Variants in SEMA5B observed in about 807,000 individuals in gnomAD.
SEMA5B encodes semaphorin 5B.
A neutral mutation model predicts 135.0 loss-of-function variants in SEMA5B; 66 were observed. The ratio of observed to expected loss-of-function variants is 0.49; its 90% confidence interval spans 0.40 to 0.60. The LOEUF is 0.60. Among genes scored for constraint, SEMA5B ranks in the 20% least tolerant of loss-of-function variants. The pLI is 0.00. For missense variants in SEMA5B, 1,501 were observed against 1,566.3 expected, an observed-to-expected ratio of 0.96 and a Z score of 0.70; for synonymous variants, 690 against 639.5, an observed-to-expected ratio of 1.08 and a Z score of -1.19.
At chr3:122,950,996 C>T (rs570707052) in intron 2 of SEMA5B, among the ~76,000 whole-genome samples, 9 of 152,246 alleles carry the variant, frequency 5.9e-5, no homozygotes, top group East Asian at 3.9e-4. Flanking sequence ...TGCAGTGGCA[C>T]GATCATGGCT....
chr3:122,921,778 C>T, intron 12 of SEMA5B, 137 bp downstream of exon 12: 1 of 618,592 alleles, frequency 1.6e-6, no homozygotes. Flanking sequence ...CAAGGTTCAG[C>T]GAGGTGGAGT....
chr3:122,915,524 C>A lies in SEMA5B; in HGVS notation c.1904G>T (p.Arg635Leu). 6.2e-7 allele frequency: 1 copy of A among 1,614,020 alleles called. No homozygotes were observed. The highest frequency in any genetic ancestry group is 8.5e-7 in the Non-Finnish European group (1 of 1,179,998). The change falls in exon 14 of 23, where the codon CGA (arginine) becomes CTA (leucine). Residue 635 changes from arginine (R) to leucine (L), a missense_variant. Physicochemically the swap from Arg to Leu is moderately radical, Grantham distance 102 (BLOSUM62 -2). Transcript: ENST00000357599. ...DGDNSGSCLCRARSCDSPRPR... is the reference protein window; with the variant it reads ...DGDNSGSCLCLARSCDSPRPR... ...TCGAGGGGAATCACAGGATCGAGCT[C>A]GACACAGGCAAGAGCCTGAGTTGTC... is the stretch of plus-strand genomic sequence containing the variant.
In SEMA5B at chr3:122,913,035, C is replaced by G. The variant is rs760735580; in HGVS notation, c.2533G>C (p.Gly845Arg). The G allele has an allele frequency of 3.2e-6, 5 of 1,569,340 alleles. No individual in the cohort carries two copies. The South Asian group carries it at 4.7e-5, about 15-fold the overall frequency. The change falls in exon 18 of 23, where the codon GGG becomes CGG. Residue 845 changes from glycine (G) to arginine (R), a missense_variant. Coordinates refer to ENST00000357599, the MANE Select transcript of SEMA5B (RefSeq NM_001031702.4). ...CTCACCGTGTGCGGGGAGGTGCTCC[C>G]GCTGCGCAGGAGGACCTCCACCAGG... is the stretch of plus-strand genomic sequence containing the variant. Reference protein sequence around the residue: ...DALVEVLLRSGSTSPHTVSGG... With the variant: ...DALVEVLLRSRSTSPHTVSGG...
At chr3:122,943,410 AC>A (rs1939650287) in intron 4 of SEMA5B, 25 bp downstream of exon 4, 1 of 1,521,266 alleles carries the variant, frequency 6.6e-7, no homozygotes, top group East Asian at 2.3e-5. Flanking sequence ...TGCACTTCCC[AC>A]CCCGACCCTT....
chr3:122,924,653 C>T (rs188062660), intron 9 of SEMA5B, among the ~76,000 whole-genome samples: 1 of 152,310 alleles, frequency 6.6e-6, no homozygotes, highest in African/African-American at 2.4e-5. Context: ...ACCCTCCTTC[C>T]TGTCTTTCTT....
chr3:122,966,702 C>T (rs1435505880), intron 1 of SEMA5B, among the ~76,000 whole-genome samples: 1 of 150,366 alleles, frequency 6.7e-6, no homozygotes, highest in Non-Finnish European at 1.5e-5. Flanking sequence ...CTACAGGCCC[C>T]CGCCACCGCG....
intron 1 of SEMA5B, among the ~76,000 whole-genome samples, chr3:123,025,306 T>C (rs1346709463): frequency 1.3e-5 from 2 of 152,066 alleles, no homozygotes; most frequent in African/African-American, 2.4e-5. Context: ...TCCTAAACCC[T>C]TGGGTCATCA....
At chr3:122,923,195 C>T (rs1938459289) in intron 10 of SEMA5B, among the ~76,000 whole-genome samples, 1 of 152,180 alleles carries the variant, frequency 6.6e-6, no homozygotes, top group African/African-American at 2.4e-5. Flanking sequence ...CGGCTGGGCC[C>T]TGACCACACC....
At chr3:122,915,014 A>C (rs1172563438) in intron 14 of SEMA5B, among the ~76,000 whole-genome samples, 5 of 152,214 alleles carry the variant, frequency 3.3e-5, no homozygotes, top group African/African-American at 1.2e-4. Flanking sequence ...TTGGGTGGGT[A>C]CTATAACCCT....
In SEMA5B at chr3:122,910,139, G is replaced by T. The variant is rs367603652; in HGVS notation, c.*4C>A. 1.2e-6 allele frequency: 2 copies of T among 1,613,756 alleles called. No individual in the cohort carries two copies. Among genetic ancestry groups the T allele is most frequent in the Non-Finnish European group, 1.7e-6 (2 of 1,179,808 alleles). On this transcript the variant is annotated 3_prime_UTR_variant, in exon 23 of 23. Transcript: ENST00000357599. ...AAGAAGCCCAAGTCCCCAGGACGGC[G>T]GTATCAGCTGTTGGGGAAGCACCGT...
At chr3:122,943,645 G>A in intron 3 of SEMA5B, 110 bp from the exon 4 acceptor site, 1 of 773,464 alleles carries the variant, frequency 1.3e-6, no homozygotes, top group Non-Finnish European at 2.1e-6. Flanking sequence ...GTGGGGCGGT[G>A]GCACCCGGGA....
chr3:122,913,457 C>T (rs369698482), intron 16 of SEMA5B, 33 bp from the exon 17 acceptor site: 324 of 1,558,932 alleles, frequency 2.1e-4, no homozygotes, highest in South Asian at 4.5e-4. Context: ...CTTTAGAACC[C>T]CACGGCCTCC....
At chr3:122,976,468 C>T (rs1941324034) in intron 1 of SEMA5B, among the ~76,000 whole-genome samples, 1 of 152,178 alleles carries the variant, frequency 6.6e-6, no homozygotes, top group South Asian at 2.1e-4. Flanking sequence ...GCTGGTTGGG[C>T]CTCACCTGCA....
In SEMA5B at chr3:123,018,024, C is replaced by T. The variant is rs373888855; in HGVS notation, c.-39+9440G>A. Among the ~76,000 whole-genome samples the T allele has an allele frequency of 1.2e-4, 18 of 152,154 alleles. 1 individual carries two copies. The highest frequency in any genetic ancestry group is 5.8e-4 in the East Asian group (3 of 5,174). ...AGCCCAAGAATTGTTGCATTCTTAA[C>T]GAGTTCTGGTGGCACTAATGCCACG... On this transcript the variant is annotated intron_variant, in intron 1 of 22. Transcript: ENST00000357599.
chr3:122,936,772 A>T (rs4677975), intron 5 of SEMA5B, among the ~76,000 whole-genome samples: 1 of 151,884 alleles, frequency 6.6e-6, no homozygotes. Context: ...AGCTGATTTG[A>T]TTTCCCCCAC....
intron 2 of SEMA5B, among the ~76,000 whole-genome samples, chr3:122,958,765 G>A (rs1940447433): frequency 6.6e-6 from 1 of 152,098 alleles, no homozygotes; most frequent in African/African-American, 2.4e-5. Context: ...ATCTATGGGG[G>A]GAGGGTATGG....
Position 122,912,942 on chromosome 3 carries a change from G to A in SEMA5B, c.2626C>T (p.Arg876Cys). 6.2e-7 allele frequency: 1 copy of A among 1,612,798 alleles called. No homozygotes were observed. The highest frequency in any genetic ancestry group is 8.5e-7 in the Non-Finnish European group (1 of 1,179,506). ...TCCGGGTTAGTGCACGTTCTCTTGC[G>A]GACGCGGAAGCCCAGCTCGCAGTCC... ...SRDCELGFRV[R>C]KRTCTNPEPR... The change falls in exon 18 of 23, where the codon CGC (arginine) becomes TGC (cysteine). Residue 876 changes from arginine (R) to cysteine (C), a missense_variant. Around this residue, in one of 2 missense-constraint regions of SEMA5B, gnomAD observed 927 missense variants for 881.6 expected, o/e 1.05. Coordinates refer to ENST00000357599, the MANE Select transcript of SEMA5B (RefSeq NM_001031702.4).
intron 5 of SEMA5B, among the ~76,000 whole-genome samples, chr3:122,930,662 A>G (rs1223778139): frequency 6.6e-6 from 1 of 152,242 alleles, no homozygotes; most frequent in Non-Finnish European, 1.5e-5. Flanking sequence ...TCCATTGAAG[A>G]GGGGGCTGTA....
rs1336545142 is a variant in SEMA5B at position 122,921,905 on chromosome 3, C to G, written c.1688+10G>C. ...GTGGAGGCCTCGGGAGCCGCCCCGT[C>G]CCGGCTTACCCCTGGCTGCGGTAGG... is the stretch of plus-strand genomic sequence containing the variant. On this transcript the variant is annotated intron_variant, in intron 12 of 22. Coordinates refer to ENST00000357599, the MANE Select transcript of SEMA5B (RefSeq NM_001031702.4). The G allele has an allele frequency of 2.0e-6, 3 of 1,527,696 alleles. No homozygotes were observed. The highest frequency in any genetic ancestry group is 2.6e-6 in the Non-Finnish European group (3 of 1,143,286). 94.6% of individuals were successfully genotyped at this position (1,527,696 alleles called of 1,614,324 possible).
Sources: gnomAD v4.1 joint callset for allele counts (sites outside exome capture counted in the v4.1 genomes callset) on GRCh38, gnomAD v4.1.1 for gene constraint, gnomAD v4.1.1 regional missense constraint, MANE v1.5 for transcripts, NCBI Gene and HGNC (gene_info 2026-07-23, HGNC 2026-07-21) for gene names.